Variants in RORA observed in about 807,000 individuals in gnomAD.
RORA encodes nuclear receptor ROR-alpha.
A neutral mutation model predicts 69.5 loss-of-function variants in RORA; 7 were observed. That is an observed-to-expected ratio of 0.10 (90% CI 0.06 to 0.19). The LOEUF is 0.19. RORA is among the 10% of genes least tolerant of loss of function. The pLI is 1.00. For synonymous variants in RORA, 261 were observed against 240.8 expected (o/e 1.08, Z -0.78); for missense variants, 457 against 663.0 (o/e 0.69, Z 3.41).
chr15:61,192,276 T>C (rs1178586338), intron 1 of RORA, among the ~76,000 whole-genome samples: 1 of 152,226 alleles, frequency 6.6e-6, no homozygotes, highest in Non-Finnish European at 1.5e-5. Flanking sequence ...TGTGTTTTAT[T>C]TTAAAAGTGA....
chr15:60,978,149 ATC>A (rs1893931167), intron 1 of RORA, among the ~76,000 whole-genome samples: 3 of 152,120 alleles, frequency 2.0e-5, no homozygotes, highest in Middle Eastern at 6.8e-3. Context: ...CATCATCATC[ATC>A]ATCAAGATCA....
At chr15:60,524,637 AC>A (rs2066287200) in intron 3 of RORA, among the ~76,000 whole-genome samples, 1 of 152,064 alleles carries the variant, frequency 6.6e-6, no homozygotes, top group South Asian at 2.1e-4. Context: ...ATTAATGTCT[AC>A]CTTTTCCAGG....
intron 1 of RORA, among the ~76,000 whole-genome samples, chr15:60,727,265 C>T (rs1161825054): frequency 6.6e-6 from 1 of 152,190 alleles, no homozygotes; most frequent in South Asian, 2.1e-4. Flanking sequence ...TTTGCAATTG[C>T]TTCCCTGTGC....
At chr15:60,618,308 C>A (rs2069309520) in intron 2 of RORA, among the ~76,000 whole-genome samples, 1 of 152,200 alleles carries the variant, frequency 6.6e-6, no homozygotes, top group South Asian at 2.1e-4. Flanking sequence ...GCAACCTCTG[C>A]TACATTGCTC....
intron 1 of RORA, among the ~76,000 whole-genome samples, chr15:61,157,370 A>T (rs1246284875): frequency 6.6e-6 from 1 of 152,206 alleles, no homozygotes; most frequent in East Asian, 1.9e-4. Context: ...AACTCTTCTG[A>T]GTTTCAGCTA....
At chr15:60,627,149 G>A (rs552779719) in intron 2 of RORA, 10 of 1,159,738 alleles carry the variant, frequency 8.6e-6, no homozygotes, top group East Asian at 4.9e-5. Flanking sequence ...TTGGAGAACT[G>A]ACTTTAAGCC....
intron 2 of RORA, among the ~76,000 whole-genome samples, chr15:60,569,666 C>G (rs1468670265): frequency 6.6e-6 from 1 of 152,190 alleles, no homozygotes; most frequent in Non-Finnish European, 1.5e-5. Flanking sequence ...ATAGCAGTCA[C>G]TCCCTTACAG....
intron 1 of RORA, among the ~76,000 whole-genome samples, chr15:60,952,024 T>C (rs1444974414): frequency 1.3e-5 from 2 of 150,420 alleles, no homozygotes; most frequent in Admixed American, 6.6e-5. Context: ...TGATGAACAT[T>C]GATGCAAAAA....
intron 3 of RORA, among the ~76,000 whole-genome samples, chr15:60,525,261 C>T (rs906696095): frequency 6.6e-6 from 1 of 152,122 alleles, no homozygotes; most frequent in Non-Finnish European, 1.5e-5. Flanking sequence ...CCTGGCACTT[C>T]CTACTGGAGT....
chr15:61,078,461 A>G (rs1393880995), intron 1 of RORA, among the ~76,000 whole-genome samples: 1 of 152,042 alleles, frequency 6.6e-6, no homozygotes, highest in Admixed American at 6.6e-5. Flanking sequence ...GGCCTCCCAA[A>G]GTGTTGGGAT....
chr15:60,995,739 T>C (rs1327288485), intron 1 of RORA, among the ~76,000 whole-genome samples: 1 of 152,228 alleles, frequency 6.6e-6, no homozygotes, highest in African/African-American at 2.4e-5. Context: ...AGTGAAGGCT[T>C]CTTTGTAAGT....
chr15:60,810,115 T>C (rs1486491234), intron 1 of RORA, among the ~76,000 whole-genome samples: 1 of 152,168 alleles, frequency 6.6e-6, no homozygotes, highest in Non-Finnish European at 1.5e-5. Flanking sequence ...GCCCTCAAGT[T>C]TGATGGTGCA....
At chr15:60,655,366 A>T (rs2070205013) in intron 2 of RORA, among the ~76,000 whole-genome samples, 1 of 152,184 alleles carries the variant, frequency 6.6e-6, no homozygotes, top group Non-Finnish European at 1.5e-5. Flanking sequence ...CTTCAGGCCT[A>T]GCAAGCTCTT....
intron 10 of RORA, 119 bp from the exon 11 acceptor site, chr15:60,497,738 T>G (rs1054658856): frequency 3.7e-6 from 3 of 809,268 alleles, no homozygotes; most frequent in Admixed American, 4.8e-5. Context: ...TAAAGCAACT[T>G]AAACATCCAG....
intron 2 of RORA, among the ~76,000 whole-genome samples, chr15:60,568,197 T>C (rs912782584): frequency 2.0e-5 from 3 of 152,176 alleles, no homozygotes; most frequent in Non-Finnish European, 4.4e-5. Flanking sequence ...GGAAAATGGA[T>C]AGGACAATGC....
chr15:60,642,391 C>CAGAGTT (rs2069959757), intron 2 of RORA, among the ~76,000 whole-genome samples: 1 of 152,150 alleles, frequency 6.6e-6, no homozygotes, highest in Non-Finnish European at 1.5e-5. Flanking sequence ...TACTGAAAGG[C>CAGAGTT]AGAGTTGGTC....
At chr15:60,904,877 A>C (rs2140472267) in intron 1 of RORA, among the ~76,000 whole-genome samples, 1 of 152,280 alleles carries the variant, frequency 6.6e-6, no homozygotes, top group East Asian at 1.9e-4. Context: ...GGTCAAGGCC[A>C]ATGTTGAAGA....
intron 1 of RORA, among the ~76,000 whole-genome samples, chr15:60,987,514 T>G (rs1894241577): frequency 6.6e-6 from 1 of 152,214 alleles, no homozygotes; most frequent in Non-Finnish European, 1.5e-5. Context: ...TCAAAAATGG[T>G]AAGTATTACA....
chr15:60,768,651 CA>C, intron 1 of RORA, among the ~76,000 whole-genome samples: 1 of 152,220 alleles, frequency 6.6e-6, no homozygotes, highest in East Asian at 1.9e-4. Flanking sequence ...AACCAGAGGC[CA>C]AAGCTTAAAA....
Sources: gnomAD v4.1 joint callset for allele counts (sites outside exome capture counted in the v4.1 genomes callset) on GRCh38, gnomAD v4.1.1 for gene constraint, MANE v1.5 for transcripts, NCBI Gene and HGNC (gene_info 2026-07-23, HGNC 2026-07-21) for gene names.